Variants in GFOD1 observed in about 807,000 individuals in gnomAD.
The protein encoded by GFOD1 is Gfo/Idh/MocA-like oxidoreductase domain containing 1.
A neutral mutation model predicts 25.4 loss-of-function variants in GFOD1; 9 were observed. The observed-to-expected ratio is 0.35, with a 90% CI of 0.21 to 0.62. The LOEUF (loss-of-function observed/expected upper bound fraction) is 0.62, where lower values mean the gene tolerates loss of function less well. GFOD1 is among the 20% of genes least tolerant of loss of function. GFOD1 has a pLI of 0.72. For synonymous variants in GFOD1, 253 were observed against 245.6 expected (o/e 1.03, Z -0.28); for missense variants, 403 against 556.9 (o/e 0.72, Z 2.78).
intron 1 of GFOD1, among the ~76,000 whole-genome samples, chr6:13,448,832 T>G (rs1345699902): frequency 6.6e-6 from 1 of 152,192 alleles, no homozygotes; most frequent in Non-Finnish European, 1.5e-5. Context: ...TGAGATGCTC[T>G]GTTCTTAAAG....
At chr6:13,476,789 C>T (rs1289615736) in intron 1 of GFOD1, among the ~76,000 whole-genome samples, 1 of 152,020 alleles carries the variant, frequency 6.6e-6, no homozygotes, top group East Asian at 1.9e-4. Context: ...AGTTATTTTT[C>T]CTGCACTTTT....
chr6:13,390,780 A>AAAGG (rs58707530), intron 1 of GFOD1, among the ~76,000 whole-genome samples: 12,729 of 117,644 alleles, frequency 0.11, 897 homozygotes, highest in Middle Eastern at 0.12. Flanking sequence ...AGAGAGAGAG[A>AAAGG]AAGGAAGGAA....
At chr6:13,394,823 G>A (rs1029397422) in intron 1 of GFOD1, among the ~76,000 whole-genome samples, 5 of 151,780 alleles carry the variant, frequency 3.3e-5, no homozygotes, top group Non-Finnish European at 7.4e-5. Context: ...AGTAGAGATG[G>A]CGTTTCACCA....
intron 1 of GFOD1, among the ~76,000 whole-genome samples, chr6:13,460,819 G>A (rs578085688): frequency 3.9e-5 from 6 of 152,250 alleles, no homozygotes; most frequent in Admixed American, 2.6e-4. Flanking sequence ...TCCTGCATAC[G>A]TATTCCAGAA....
intron 1 of GFOD1, chr6:13,469,873 T>C (rs752928533): frequency 4.9e-6 from 6 of 1,220,330 alleles, no homozygotes; most frequent in East Asian, 5.7e-5. Context: ...ACTCGTACTA[T>C]GTCTCACACC....
intron 1 of GFOD1, among the ~76,000 whole-genome samples, chr6:13,404,518 G>A (rs930171121): frequency 6.6e-6 from 1 of 152,140 alleles, no homozygotes; most frequent in Non-Finnish European, 1.5e-5. Context: ...CAAGGGGGTG[G>A]CTTAATTTCC....
chr6:13,471,721 A>G (rs1299743288), intron 1 of GFOD1, among the ~76,000 whole-genome samples: 1 of 152,216 alleles, frequency 6.6e-6, no homozygotes, highest in Non-Finnish European at 1.5e-5. Flanking sequence ...GGGTTGCTCA[A>G]AAATCCATGT....
At chr6:13,475,721 A>ATAG (rs200960857) in intron 1 of GFOD1, among the ~76,000 whole-genome samples, 2 of 244 alleles carry the variant, frequency 8.2e-3, no homozygotes, top group African/African-American at 9.0e-3. Flanking sequence ...CCATCTCAAA[A>ATAG]TAATAATAAT....
intron 1 of GFOD1, among the ~76,000 whole-genome samples, chr6:13,409,217 G>GAAAGAAGGAA (rs768826425): frequency 0.015 from 1,632 of 107,120 alleles, 122 homozygotes; most frequent in East Asian, 0.1. Context: ...GAAGGAAAGA[G>GAAAGAAGGAA]AGAGAGAGGA....
intron 1 of GFOD1, among the ~76,000 whole-genome samples, chr6:13,473,076 A>G (rs1758542682): frequency 6.6e-6 from 1 of 152,208 alleles, no homozygotes; most frequent in Non-Finnish European, 1.5e-5. Context: ...ACACAAATCC[A>G]GAGTTTGTAG....
chr6:13,474,405 T>TA lies in GFOD1; in HGVS notation c.253+12232dup, dbSNP rs376166035. Among the ~76,000 whole-genome samples the TA allele has an allele frequency of 7.0e-4, 106 of 152,180 alleles. 1 individual carries two copies. Among genetic ancestry groups the TA allele is most frequent in the African/African-American group, 2.3e-3 (96 of 41,528 alleles). On this transcript the variant is annotated intron_variant, in intron 1 of 1. Coordinates refer to ENST00000379287, the MANE Select transcript of GFOD1 (RefSeq NM_018988.4). ...GGGAAAAAATAAAATAAAATAAAAA[T>TA]AAAAATGCCATTTTTTTCCCCTTTG... is the stretch of plus-strand genomic sequence containing the variant.
chr6:13,425,894 AAGAAAGAAAAAGAAACTCGC>A (rs1786343591), intron 1 of GFOD1, among the ~76,000 whole-genome samples: 1 of 151,976 alleles, frequency 6.6e-6, no homozygotes, highest in African/African-American at 2.4e-5. Flanking sequence ...AAGAAGAAGA[AAGAAAGAAAAAGAAACTCGC>A]AGAAAGAAAA....
chr6:13,398,719 C>T (rs564748233), intron 1 of GFOD1, among the ~76,000 whole-genome samples: 3 of 152,254 alleles, frequency 2.0e-5, no homozygotes, highest in African/African-American at 7.2e-5. Flanking sequence ...CACCTCACTG[C>T]CGCCTGCTCA....
chr6:13,478,678 C>T (rs1456567799), intron 1 of GFOD1, among the ~76,000 whole-genome samples: 2 of 152,204 alleles, frequency 1.3e-5, no homozygotes, highest in Admixed American at 1.3e-4. Context: ...AGGGCTGCAC[C>T]TTTCAGGTGG....
chr6:13,379,663 G>A lies in GFOD1; in HGVS notation c.254-14001C>T, dbSNP rs61601268. Among the ~76,000 whole-genome samples, 1,492 of 152,286 alleles carry A rather than the reference G, an allele frequency of 9.8e-3. 27 individuals carry two copies. Among genetic ancestry groups the A allele is most frequent in the African/African-American group, 0.034 (1,399 of 41,538 alleles). On this transcript the variant is annotated intron_variant, in intron 1 of 1. Coordinates refer to ENST00000379287, the MANE Select transcript of GFOD1 (RefSeq NM_018988.4). ...CTTCCCCAGCCTCTCATACATTTCC[G>A]TGAGGAACTAAGGTCCTTTCAAATA...
intron 1 of GFOD1, among the ~76,000 whole-genome samples, chr6:13,371,084 C>T (rs774563055): frequency 6.6e-5 from 10 of 152,206 alleles, no homozygotes; most frequent in Non-Finnish European, 4.4e-5. Context: ...TAAGTAGAGG[C>T]AGTCTTGCAC....
At chr6:13,458,702 T>G (rs1313674063) in intron 1 of GFOD1, among the ~76,000 whole-genome samples, 1 of 133,122 alleles carries the variant, frequency 7.5e-6, no homozygotes, top group African/African-American at 2.7e-5. Flanking sequence ...AAGTGCTTTG[T>G]GCAGGTGGTA....
intron 1 of GFOD1, among the ~76,000 whole-genome samples, chr6:13,474,193 A>G (rs1758567583): frequency 6.6e-6 from 1 of 152,184 alleles, no homozygotes; most frequent in Non-Finnish European, 1.5e-5. Flanking sequence ...CAGCCTGACC[A>G]ACATGGAGAA....
At chr6:13,486,079 C>G in intron 1 of GFOD1, 2 of 903,514 alleles carry the variant, frequency 2.2e-6, no homozygotes, top group Non-Finnish European at 2.6e-6. Context: ...TAACTCACAG[C>G]AGAAAGAAAC....
Sources: allele counts gnomAD v4.1 joint callset (sites outside exome capture counted in the v4.1 genomes callset), GRCh38; gene constraint gnomAD v4.1.1; transcripts MANE v1.5; gene names NCBI Gene and HGNC (gene_info 2026-07-23, HGNC 2026-07-21).